WDPCP: variants seen among roughly 807,000 people sequenced by gnomAD.
WDPCP encodes the protein WD repeat containing planar cell polarity effector, also known as WD repeat-containing and planar cell polarity effector protein fritz homolog.
Under a neutral mutation model 93.1 loss-of-function variants are expected in WDPCP, and 71 were observed. The ratio of observed to expected loss-of-function variants is 0.76; its 90% CI spans 0.63 to 0.93. The LOEUF is 0.93. Ranked by LOEUF, WDPCP falls within the 40% of genes least tolerant of loss-of-function variation. The pLI, the probability that WDPCP is intolerant of heterozygous loss-of-function variation, is 0.00. For synonymous variants in WDPCP, 315 were observed against 315.0 expected (o/e 1.00, Z 0.00); for missense variants, 844 against 887.4 (o/e 0.95, Z 0.62).
intron 17 of WDPCP, among the ~76,000 whole-genome samples, chr2:63,144,813 T>G (rs2103740437): frequency 6.6e-6 from 1 of 152,340 alleles, no homozygotes; most frequent in East Asian, 1.9e-4. Context: ...TGTGATTTTT[T>G]GGGGGTGTTG....
chr2:63,313,886 A>ATGTGTGTGTGTATATATATATATTTTT, intron 12 of WDPCP, among the ~76,000 whole-genome samples: 4 of 74,472 alleles, frequency 5.4e-5, no homozygotes, highest in East Asian at 3.9e-4. Context: ...ATATATATAT[A>ATGTGTGTGTGTATATATATATATTTTT]TTTTTTTTTT....
chr2:63,690,937 T>C lies in WDPCP; in HGVS notation n.309-40099A>G, dbSNP rs376947149. Among the ~76,000 whole-genome samples the C allele has an allele frequency of 2.0e-5, 3 of 152,196 alleles. No individual in the cohort carries two copies. The South Asian group carries it at 6.2e-4, about 32-fold the overall frequency. On this transcript the variant is annotated intron_variant and non_coding_transcript_variant, in intron 2 of 4. Coordinates refer to the WDPCP transcript ENST00000467687. Reference sequence around the variant, plus strand: ...CATTAAATTACATAGGGGAATGCCATGGTAATAGTAAAAAAAAACCACATA... The same window carrying C: ...CATTAAATTACATAGGGGAATGCCACGGTAATAGTAAAAAAAAACCACATA...
intron 14 of WDPCP, among the ~76,000 whole-genome samples, chr2:63,213,794 A>C (rs904957865): frequency 6.6e-6 from 1 of 152,138 alleles, no homozygotes; most frequent in African/African-American, 2.4e-5. Context: ...GGGGATATCA[A>C]CACCGATCCC....
At chr2:63,737,896 T>A (rs1268023173) in intron 2 of WDPCP, among the ~76,000 whole-genome samples, 1 of 152,142 alleles carries the variant, frequency 6.6e-6, no homozygotes, top group Non-Finnish European at 1.5e-5. Flanking sequence ...TTTTAAAAAA[T>A]TTTGTTTGAG....
At chr2:63,141,816 T>C (rs1347525126) in intron 17 of WDPCP, among the ~76,000 whole-genome samples, 1 of 151,540 alleles carries the variant, frequency 6.6e-6, no homozygotes, top group Non-Finnish European at 1.5e-5. Context: ...TCGCTGCTTG[T>C]TATTGGTCTG....
chr2:63,757,479 C>G (rs1669987185), intron 2 of WDPCP, among the ~76,000 whole-genome samples: 2 of 152,088 alleles, frequency 1.3e-5, no homozygotes, highest in Non-Finnish European at 2.9e-5. Context: ...TAGAAACTAC[C>G]ATACCTCACC....
At chr2:63,215,644 G>A (rs1677260392) in intron 14 of WDPCP, among the ~76,000 whole-genome samples, 1 of 152,144 alleles carries the variant, frequency 6.6e-6, no homozygotes, top group Non-Finnish European at 1.5e-5. Context: ...CAGGACATAG[G>A]CATGGGCAAG....
intron 13 of WDPCP, among the ~76,000 whole-genome samples, chr2:63,260,319 A>AT (rs1356794937): frequency 6.6e-6 from 1 of 152,216 alleles, no homozygotes; most frequent in Non-Finnish European, 1.5e-5. Flanking sequence ...TGGAATGAAA[A>AT]TTTTATTGAA....
At chr2:63,737,396 T>C (rs539692860) in intron 2 of WDPCP, among the ~76,000 whole-genome samples, 3 of 152,356 alleles carry the variant, frequency 2.0e-5, no homozygotes, top group Admixed American at 6.5e-5. Flanking sequence ...CTAGGTCTTA[T>C]ATTACAGACA....
intron 1 of WDPCP, among the ~76,000 whole-genome samples, chr2:63,584,339 C>T (rs963092320): frequency 2.0e-5 from 3 of 152,012 alleles, no homozygotes; most frequent in Admixed American, 2.0e-4. Context: ...GGTTTGAAAT[C>T]GTGAACAACA....
chr2:63,263,554 T>C (rs1352960021), intron 13 of WDPCP, among the ~76,000 whole-genome samples: 1 of 152,106 alleles, frequency 6.6e-6, no homozygotes, highest in African/African-American at 2.4e-5. Flanking sequence ...TCCCAGCCTC[T>C]AGAGCTGTTA....
chr2:63,759,957 T>G (rs1413086370), intron 2 of WDPCP, among the ~76,000 whole-genome samples: 1 of 151,350 alleles, frequency 6.6e-6, no homozygotes, highest in African/African-American at 2.4e-5. Context: ...ACCCAGGGGG[T>G]GATGGGTGAT....
In WDPCP at chr2:63,259,382, C is replaced by T. The variant is rs1282386975; in HGVS notation, c.1840G>A (p.Gly614Ser). 1.2e-6 allele frequency: 2 copies of T among 1,611,982 alleles called. No homozygotes were observed. The highest frequency in any genetic ancestry group is 1.3e-5 in the African/African-American group (1 of 74,862). Residue 614 changes from glycine to serine, a missense_variant, in exon 14 of 18, where the codon GGT becomes AGT. Coordinates refer to ENST00000272321, the MANE Select transcript of WDPCP (RefSeq NM_015910.7). ...MDIHYLALDK[G>S]ELALAEVARK... ...GCCACTTCAGCTAGTGCCAATTCACCTTTATCTAGTGCAAGGTAATGAATA... is the reference window on the plus strand; with the variant it reads ...GCCACTTCAGCTAGTGCCAATTCACTTTTATCTAGTGCAAGGTAATGAATA...
chr2:63,462,038 GAC>G (rs1699045614), intron 6 of WDPCP, among the ~76,000 whole-genome samples: 1 of 152,202 alleles, frequency 6.6e-6, no homozygotes, highest in South Asian at 2.1e-4. Context: ...CTGCTATAAA[GAC>G]ACATGCACAC....
At chr2:63,582,751 G>GA (rs201249524) in intron 1 of WDPCP, among the ~76,000 whole-genome samples, 11 of 151,148 alleles carry the variant, frequency 7.3e-5, no homozygotes, top group East Asian at 1.9e-4. Context: ...CAAGGCAAAT[G>GA]AAAAAAAACA....
intron 14 of WDPCP, among the ~76,000 whole-genome samples, chr2:63,250,924 A>G (rs942847234): frequency 6.6e-6 from 1 of 152,160 alleles, no homozygotes; most frequent in Admixed American, 6.5e-5. Context: ...ATTTTTTGCA[A>G]TTTATGGAGC....
At chr2:63,521,674 G>A (rs1702944121) in intron 1 of WDPCP, among the ~76,000 whole-genome samples, 1 of 152,034 alleles carries the variant, frequency 6.6e-6, no homozygotes, top group Admixed American at 6.6e-5. Flanking sequence ...GGACCAAAGG[G>A]ACCTAATAGA....
chr2:63,134,974 T>G (rs989855427), intron 17 of WDPCP, among the ~76,000 whole-genome samples: 1 of 152,014 alleles, frequency 6.6e-6, no homozygotes, highest in Non-Finnish European at 1.5e-5. Flanking sequence ...AATACAAAAA[T>G]TAGCCAGGTG....
chr2:63,200,449 T>C (rs954452321), intron 14 of WDPCP, among the ~76,000 whole-genome samples: 1 of 152,190 alleles, frequency 6.6e-6, no homozygotes, highest in African/African-American at 2.4e-5. Context: ...TAAGTGTCCA[T>C]TAGCAGATGA....
Sources: allele counts gnomAD v4.1 joint callset (sites outside exome capture counted in the v4.1 genomes callset), GRCh38; gene constraint gnomAD v4.1.1; transcripts MANE v1.5; gene names NCBI Gene and HGNC (gene_info 2026-07-23, HGNC 2026-07-21).